Variants in SLC1A1 observed in about 807,000 individuals in gnomAD.
SLC1A1 encodes excitatory amino acid transporter 3.
A neutral mutation model predicts 53.3 loss-of-function variants in SLC1A1; 43 were observed. The observed-to-expected ratio is 0.81, with a 90% CI of 0.63 to 1.04. SLC1A1 has a LOEUF of 1.04. Among genes scored for constraint, SLC1A1 ranks in the 50% least tolerant of loss-of-function variants. The pLI, the probability that SLC1A1 is intolerant of heterozygous loss-of-function variation, is 0.00. For synonymous variants in SLC1A1, 307 were observed against 243.2 expected, an observed-to-expected ratio of 1.26 and a Z score of -2.44; for missense variants, 748 against 664.9, an observed-to-expected ratio of 1.12 and a Z score of -1.37.
At chr9:4,498,690 T>A (rs1453717034) in intron 1 of SLC1A1, among the ~76,000 whole-genome samples, 1 of 151,480 alleles carries the variant, frequency 6.6e-6, no homozygotes, top group Non-Finnish European at 1.5e-5. Flanking sequence ...ATATATTTAT[T>A]CCATAGCATG....
At chr9:4,534,378 A>T (rs1449157045) in intron 1 of SLC1A1, among the ~76,000 whole-genome samples, 4 of 151,808 alleles carry the variant, frequency 2.6e-5, no homozygotes, top group African/African-American at 9.7e-5. Context: ...GATAAAGGGG[A>T]TATCACCACT....
At chr9:4,523,564 C>T (rs1405128145) in intron 1 of SLC1A1, among the ~76,000 whole-genome samples, 2 of 152,100 alleles carry the variant, frequency 1.3e-5, no homozygotes, top group Non-Finnish European at 2.9e-5. Flanking sequence ...TTTGGTCATA[C>T]CAAAAATATT....
At chr9:4,520,379 A>T (rs886916157) in intron 1 of SLC1A1, among the ~76,000 whole-genome samples, 1 of 152,176 alleles carries the variant, frequency 6.6e-6, no homozygotes, top group African/African-American at 2.4e-5. Context: ...ATCAAAATTA[A>T]ATGAATCCCA....
Position 4,572,405 on chromosome 9 carries a change from T to C in SLC1A1, c.767+17T>C. 2 of 1,608,012 alleles carry C rather than the reference T, an allele frequency of 1.2e-6. No homozygotes were observed. Among genetic ancestry groups the C allele is most frequent in the Non-Finnish European group, 1.7e-6 (2 of 1,174,428 alleles). The stretch of plus-strand genomic sequence containing the variant: ...CATCATGTGGTGAGCAGACACTGTT[T>C]AATGTCATTTTGCTTCCCCTGACAA... On this transcript the variant is annotated intron_variant, in intron 7 of 11. Coordinates refer to ENST00000262352, the MANE Select transcript of SLC1A1 (RefSeq NM_004170.6).
intron 1 of SLC1A1, among the ~76,000 whole-genome samples, chr9:4,520,879 C>T (rs1388196693): frequency 6.6e-6 from 1 of 152,106 alleles, no homozygotes; most frequent in Non-Finnish European, 1.5e-5. Flanking sequence ...ACATTCTCAC[C>T]AAAAAGGCAA....
intron 2 of SLC1A1, among the ~76,000 whole-genome samples, chr9:4,550,205 T>C (rs1817812464): frequency 6.6e-6 from 1 of 152,208 alleles, no homozygotes; most frequent in Non-Finnish European, 1.5e-5. Flanking sequence ...CAGACACTGG[T>C]TGGGTGACTG....
rs1950585632 is a variant in SLC1A1 at position 4,490,558 on chromosome 9, G to A, written c.-122G>A. On this transcript the variant is annotated 5_prime_UTR_variant, in exon 1 of 12. Coordinates refer to ENST00000262352, the MANE Select transcript of SLC1A1 (RefSeq NM_004170.6). The stretch of plus-strand genomic sequence containing the variant: ...GGTGGTGACGGCGGCGACTGCAGCG[G>A]CCGGCTCTCACCTCTCCCCTGTGCA... 1.6e-6 allele frequency: 1 copy of A among 635,000 alleles called. No homozygotes were observed. Among genetic ancestry groups the A allele is most frequent in the Non-Finnish European group, 2.6e-6 (1 of 385,026 alleles). 39.3% of individuals were successfully genotyped at this position (635,000 alleles called of 1,614,324 possible). A position where few individuals can be genotyped will look rare whatever the true frequency, so the allele number is the denominator to read the frequency against.
At chr9:4,509,302 GC>G (rs1308837785) in intron 1 of SLC1A1, among the ~76,000 whole-genome samples, 4 of 152,178 alleles carry the variant, frequency 2.6e-5, no homozygotes, top group Admixed American at 2.6e-4. Flanking sequence ...CTGGCAGGAA[GC>G]AGACTCAAAA....
chr9:4,560,437 G>T (rs9886847), intron 2 of SLC1A1, among the ~76,000 whole-genome samples: 1 of 151,838 alleles, frequency 6.6e-6, no homozygotes, highest in African/African-American at 2.4e-5. Context: ...GAGAGGGTTA[G>T]AAACTATAAA....
intron 1 of SLC1A1, among the ~76,000 whole-genome samples, chr9:4,537,111 T>G (rs1816703360): frequency 1.3e-5 from 2 of 151,750 alleles, no homozygotes; most frequent in South Asian, 4.2e-4. Flanking sequence ...AGTTGATGGG[T>G]GCAGCACACA....
At chr9:4,581,164 C>A (rs1336351878) in intron 10 of SLC1A1, among the ~76,000 whole-genome samples, 3 of 152,200 alleles carry the variant, frequency 2.0e-5, no homozygotes, top group Non-Finnish European at 4.4e-5. Flanking sequence ...GCCCAAAGTA[C>A]ATCACCCAGG....
intron 3 of SLC1A1, among the ~76,000 whole-genome samples, chr9:4,561,777 G>A (rs774542155): frequency 1.2e-4 from 19 of 152,160 alleles, no homozygotes; most frequent in Admixed American, 6.5e-5. Flanking sequence ...TGTAGTCCCA[G>A]CTACTTGGGA....
intron 1 of SLC1A1, among the ~76,000 whole-genome samples, chr9:4,500,362 G>A (rs946788291): frequency 3.9e-5 from 6 of 152,164 alleles, no homozygotes; most frequent in African/African-American, 1.4e-4. Context: ...AGGCTGGAGT[G>A]CAGTAGTGCG....
At chr9:4,501,378 C>T (rs1563994316) in intron 1 of SLC1A1, among the ~76,000 whole-genome samples, 1 of 151,450 alleles carries the variant, frequency 6.6e-6, no homozygotes, top group Non-Finnish European at 1.5e-5. Context: ...CGGAAACACC[C>T]TCAGAGAGGG....
rs934699775 is a variant in SLC1A1 at position 4,575,941 on chromosome 9, G to A, written c.876-60G>A. The A allele has an allele frequency of 3.5e-5, 56 of 1,587,768 alleles. 1 individual carries two copies. The South Asian group carries it at 5.8e-4, about 16-fold the overall frequency. On this transcript the variant is annotated intron_variant, in intron 8 of 11. Coordinates refer to ENST00000262352, the MANE Select transcript of SLC1A1 (RefSeq NM_004170.6). Reference sequence around the variant, plus strand: ...AAATTAAAAAGATGTTTGATAAAAGGATTAAGTGTGGGGAGGTGGTATTAT... The same window carrying A: ...AAATTAAAAAGATGTTTGATAAAAGAATTAAGTGTGGGGAGGTGGTATTAT...
intron 2 of SLC1A1, among the ~76,000 whole-genome samples, chr9:4,550,446 A>C (rs1424926490): frequency 6.6e-6 from 1 of 152,184 alleles, no homozygotes; most frequent in Non-Finnish European, 1.5e-5. Context: ...GCTGGAATGC[A>C]GTGGTACCAG....
chr9:4,522,452 T>C (rs1485014628), intron 1 of SLC1A1, among the ~76,000 whole-genome samples: 1 of 152,170 alleles, frequency 6.6e-6, no homozygotes, highest in Non-Finnish European at 1.5e-5. Flanking sequence ...ACATCTCACA[T>C]GGTTATTCAG....
intron 2 of SLC1A1, among the ~76,000 whole-genome samples, chr9:4,545,509 A>G (rs1817415910): frequency 6.6e-6 from 1 of 152,200 alleles, no homozygotes; most frequent in Admixed American, 6.5e-5. Context: ...CCATTCACTC[A>G]TTTATTTCCC....
intron 1 of SLC1A1, 128 bp downstream of exon 1, chr9:4,490,898 T>G: frequency 1.3e-6 from 1 of 743,440 alleles, no homozygotes; most frequent in Non-Finnish European, 2.3e-6. Context: ...CCCTCGGCCT[T>G]AGCCTCGGGC....
Sources: allele counts gnomAD v4.1 joint callset (sites outside exome capture counted in the v4.1 genomes callset), GRCh38; gene constraint gnomAD v4.1.1; transcripts MANE v1.5; gene names NCBI Gene and HGNC (gene_info 2026-07-23, HGNC 2026-07-21).